PARD6A: variants seen among roughly 807,000 people sequenced by gnomAD.
PARD6A encodes par-6 family cell polarity regulator alpha.
Under a neutral mutation model 21.3 loss-of-function variants are expected in PARD6A, and 20 were observed. The observed-to-expected ratio is 0.94, with a 90% CI of 0.66 to 1.36. The LOEUF (loss-of-function observed/expected upper bound fraction) is 1.36. Ranked by LOEUF, PARD6A falls within the 40% of genes most tolerant of loss-of-function variation. The pLI, the probability that PARD6A is intolerant of heterozygous loss-of-function variation, is 0.00. For missense variants in PARD6A, 411 were observed against 482.0 expected, an observed-to-expected ratio of 0.85 and a Z score of 1.38; for synonymous variants, 214 against 204.8, an observed-to-expected ratio of 1.04 and a Z score of -0.38.
In PARD6A at chr16:67,661,061, C is replaced by T. The variant is rs762558706; in HGVS notation, c.23C>T (p.Pro8Leu). 34 of 1,599,568 alleles carry T rather than the reference C, an allele frequency of 2.1e-5. No homozygotes were observed. Among genetic ancestry groups the T allele is most frequent in the Non-Finnish European group, 2.8e-5 (33 of 1,172,662 alleles). ...GCCATGGCCCGGCCGCAGAGGACTC[C>T]GGCGCGCAGTCCCGATAGCATCGTC... Reference protein sequence around the residue: MARPQRTPARSPDSIVEV... With the variant: MARPQRTLARSPDSIVEV... Residue 8 changes from proline (P) to leucine (L), a missense_variant, in exon 1 of 3, where the codon CCG becomes CTG. Transcript: ENST00000458121. The surrounding 1 kb of genome is among the most constrained non-coding windows in gnomAD (Gnocchi z 7.0).
rs1366793193 is a variant in PARD6A, at chr16:67,661,050, G to T, written c.12G>T (p.Pro4=). The change falls in exon 1 of 3, where the codon CCG becomes CCT. Residue 4 remains proline (P), a synonymous_variant. Transcript: ENST00000458121. This position sits in a 1 kb window ranked among gnomAD's most constrained non-coding sequence, Gnocchi z 7.0. ...CGCCCGGCCCCGCCATGGCCCGGCC[G>T]CAGAGGACTCCGGCGCGCAGTCCCG... MAR[P]QRTPARSPDS... is the part of the protein sequence containing the mutation. 1 of 1,580,662 alleles carries T rather than the reference G, an allele frequency of 6.3e-7. No individual in the cohort carries two copies. Among genetic ancestry groups the T allele is most frequent in the Non-Finnish European group, 8.6e-7 (1 of 1,161,934 alleles).
In PARD6A at chr16:67,662,662, C is replaced by T. The variant is rs762367216; in HGVS notation, c.*15C>T. The T allele has an allele frequency of 9.8e-6, 15 of 1,526,512 alleles. No individual in the cohort carries two copies. Among genetic ancestry groups the T allele is most frequent in the East Asian group, 6.9e-5 (3 of 43,608 alleles). The allele number at this position is 1,526,512 out of a possible 1,614,324, so 94.6% of individuals were successfully genotyped here. ...TCAGCCTCTGACAGTCAGGATGAAG[C>T]CCCATGCCACTCCACACTGCTGGGA... is the stretch of plus-strand genomic sequence containing the variant. On this transcript the variant is annotated 3_prime_UTR_variant, in exon 3 of 3. Coordinates refer to ENST00000458121, the MANE Select transcript of PARD6A (RefSeq NM_001037281.2). This position sits in a 1 kb window ranked among gnomAD's most constrained non-coding sequence, Gnocchi z 6.9.
rs2053047995 is a variant in PARD6A at position 67,662,764 on chromosome 16, C to T, written c.*117C>T. ...CAGCCTGGGGAACATTAAAGGTTTT[C>T]TACAAATACAGTCATGGTCCTTGTG... On this transcript the variant is annotated 3_prime_UTR_variant, in exon 3 of 3. Coordinates refer to ENST00000458121, the MANE Select transcript of PARD6A (RefSeq NM_001037281.2). This position sits in a 1 kb window ranked among gnomAD's most constrained non-coding sequence, Gnocchi z 6.9. 1.1e-5 allele frequency: 11 copies of T among 997,378 alleles called. No individual in the cohort carries two copies. The highest frequency in any genetic ancestry group is 1.6e-5 in the Non-Finnish European group (11 of 699,896). 61.8% of individuals were successfully genotyped at this position (997,378 alleles called of 1,614,324 possible). A position where few individuals can be genotyped will look rare whatever the true frequency, so the allele number is the denominator to read the frequency against.
chr16:67,661,800 C>T lies in PARD6A; in HGVS notation c.287-96C>T, dbSNP rs2053023017. 1 of 1,538,462 alleles carries T rather than the reference C, an allele frequency of 6.5e-7. No homozygotes were observed. ...TCTGCAGTCCCTGCCCTTGGCTTGACCTCTAAGTGGTAGGAAATAGCTACA... is the reference window on the plus strand; with the variant it reads ...TCTGCAGTCCCTGCCCTTGGCTTGATCTCTAAGTGGTAGGAAATAGCTACA... On this transcript the variant is annotated intron_variant, in intron 2 of 2. Transcript: ENST00000458121. The surrounding 1 kb of genome is among the most constrained non-coding windows in gnomAD (Gnocchi z 7.0).
Position 67,661,243 on chromosome 16 carries a change from C to T in PARD6A, c.63+142C>T, listed in dbSNP as rs2053009775. 2 of 1,019,004 alleles carry T rather than the reference C, an allele frequency of 2.0e-6. No homozygotes were observed. Among genetic ancestry groups the T allele is most frequent in the Admixed American group, 3.9e-5 (2 of 51,502 alleles). The allele number at this position is 1,019,004 out of a possible 1,614,324, so 63.1% of individuals were successfully genotyped here. ...TGCTCGCCTTCCCCCATCCGTCTTC[C>T]TTCCTCCACTGCTGGTCTCCAGCTC... On this transcript the variant is annotated intron_variant, in intron 1 of 2. Transcript: ENST00000458121. The surrounding 1 kb of genome is among the most constrained non-coding windows in gnomAD (Gnocchi z 7.0).
At position 67,661,378 on chromosome 16, in the gene PARD6A, C is replaced by A. The variant is rs2053012731; in HGVS notation, c.64-77C>A. 4 of 1,546,764 alleles carry A rather than the reference C, an allele frequency of 2.6e-6. No individual in the cohort carries two copies. In the South Asian group the frequency reaches 3.6e-5, roughly 14 times the overall value. On this transcript the variant is annotated intron_variant, in intron 1 of 2. Coordinates refer to ENST00000458121, the MANE Select transcript of PARD6A (RefSeq NM_001037281.2). The surrounding 1 kb of genome is among the most constrained non-coding windows in gnomAD (Gnocchi z 7.0). Reference sequence around the variant, plus strand: ...CCGCAAAAGCGGCAGCCGCATCTTTCCCATTCCTGCCAGCCTGCGGTGAGA... The same window carrying A: ...CCGCAAAAGCGGCAGCCGCATCTTTACCATTCCTGCCAGCCTGCGGTGAGA...
chr16:67,661,902 A>T lies in PARD6A; in HGVS notation c.293A>T (p.Asp98Val). ...LRLLVQKREA[D>V]SSGLAFASNS... ...CCCCCCTCTTCTGCAGCAGAAGCTG[A>T]CTCCAGCGGCCTGGCTTTTGCCTCC... The change falls in exon 3 of 3, where the codon GAC becomes GTC. Residue 98 changes from aspartate to valine, a missense_variant. Physicochemically the swap from Asp to Val is radical, Grantham distance 152 (BLOSUM62 -3). Transcript: ENST00000458121. The surrounding 1 kb of genome is among the most constrained non-coding windows in gnomAD (Gnocchi z 7.0). The T allele has an allele frequency of 6.3e-7, 1 of 1,588,876 alleles. No individual in the cohort carries two copies. The highest frequency in any genetic ancestry group is 8.5e-7 in the Non-Finnish European group (1 of 1,170,870).
Position 67,662,531 on chromosome 16 carries a change from C to T in PARD6A, c.922C>T (p.Pro308Ser). 1 of 1,613,276 alleles carries T rather than the reference C, an allele frequency of 6.2e-7. No homozygotes were observed. The highest frequency in any genetic ancestry group is 8.5e-7 in the Non-Finnish European group (1 of 1,179,994). The change falls in exon 3 of 3, where the codon CCT (proline) becomes TCT (serine). Residue 308 changes from proline to serine, a missense_variant. Physicochemically the swap from Pro to Ser is moderately conservative, Grantham distance 74. Transcript: ENST00000458121. This position sits in a 1 kb window ranked among gnomAD's most constrained non-coding sequence, Gnocchi z 6.9. ...SQGPPCWDLHPGCRHPGTRSS... is the reference protein window; with the variant it reads ...SQGPPCWDLHSGCRHPGTRSS... ...GGGGCCCCCGTGCTGGGACCTGCAC[C>T]CTGGCTGCCGACATCCTGGTACCCG...
Position 67,661,401 on chromosome 16 carries a change from A to C in PARD6A, c.64-54A>C. ...TTCCCATTCCTGCCAGCCTGCGGTG[A>C]GAAAGGGGCGCAGGCTGTCCTGACT... On this transcript the variant is annotated intron_variant, in intron 1 of 2. Coordinates refer to ENST00000458121, the MANE Select transcript of PARD6A (RefSeq NM_001037281.2). The surrounding 1 kb of genome is among the most constrained non-coding windows in gnomAD (Gnocchi z 7.0). The C allele has an allele frequency of 6.3e-7, 1 of 1,585,792 alleles. No individual in the cohort carries two copies. Among genetic ancestry groups the C allele is most frequent in the South Asian group, 1.1e-5 (1 of 89,748 alleles).
rs2053007719 is a variant in PARD6A, at chr16:67,661,154, C to T, written c.63+53C>T. On this transcript the variant is annotated intron_variant, in intron 1 of 2. Coordinates refer to ENST00000458121, the MANE Select transcript of PARD6A (RefSeq NM_001037281.2). The surrounding 1 kb of genome is among the most constrained non-coding windows in gnomAD (Gnocchi z 7.0). ...GGCGCTCCCAATTCCCTCTTTCTCC[C>T]CTTCCCAGCTCCTTGGTCCCCGCCA... 1 of 1,440,894 alleles carries T rather than the reference C, an allele frequency of 6.9e-7. No individual in the cohort carries two copies. Among genetic ancestry groups the T allele is most frequent in the Admixed American group, 1.7e-5 (1 of 59,312 alleles). 89.3% of individuals were successfully genotyped at this position (1,440,894 alleles called of 1,614,324 possible).
At position 67,662,265 on chromosome 16, in the gene PARD6A, G is replaced by C; in HGVS notation, c.656G>C (p.Gly219Ala). The C allele has an allele frequency of 6.2e-7, 1 of 1,614,136 alleles. No homozygotes were observed. Among genetic ancestry groups the C allele is most frequent in the Non-Finnish European group, 8.5e-7 (1 of 1,180,034 alleles). ...AGTGATGAGATCCTCGAGGTCAATG[G>C]CATTGAAGTAGCCGGGAAGACCTTG... ...AVSDEILEVN[G>A]IEVAGKTLDQ... Residue 219 changes from glycine (G) to alanine (A), a missense_variant, in exon 3 of 3, where the codon GGC becomes GCC. Physicochemically the swap from Gly to Ala is moderately conservative, Grantham distance 60 (BLOSUM62 0). Coordinates refer to ENST00000458121, the MANE Select transcript of PARD6A (RefSeq NM_001037281.2). The surrounding 1 kb of genome is among the most constrained non-coding windows in gnomAD (Gnocchi z 6.9).
chr16:67,661,939 G>A lies in PARD6A; in HGVS notation c.330G>A (p.Gln110=). The A allele has an allele frequency of 6.2e-7, 1 of 1,609,638 alleles. No homozygotes were observed. Among genetic ancestry groups the A allele is most frequent in the Middle Eastern group, 1.7e-4 (1 of 6,058 alleles). The change falls in exon 3 of 3, where the codon CAG becomes CAA. Residue 110 remains glutamine, a synonymous_variant. Transcript: ENST00000458121. This position sits in a 1 kb window ranked among gnomAD's most constrained non-coding sequence, Gnocchi z 7.0. ...TGGCTTTTGCCTCCAACTCTCTGCA[G>A]CGGCGCAAGAAAGGGCTCTTGCTGC... ...SGLAFASNSL[Q]RRKKGLLLRP... is the part of the protein sequence containing the mutation.
rs769345731 is a variant in PARD6A at position 67,662,557 on chromosome 16, C to T, written c.948C>T (p.Arg316=). 6.2e-7 allele frequency: 1 copy of T among 1,613,086 alleles called. No homozygotes were observed. The highest frequency in any genetic ancestry group is 8.5e-7 in the Non-Finnish European group (1 of 1,179,968). The change falls in exon 3 of 3, where the codon CGC becomes CGT. Residue 316 remains arginine, a synonymous_variant. Coordinates refer to ENST00000458121, the MANE Select transcript of PARD6A (RefSeq NM_001037281.2). The surrounding 1 kb of genome is among the most constrained non-coding windows in gnomAD (Gnocchi z 6.9). The part of the protein sequence containing the change: ...LHPGCRHPGT[R]SSLPSLDDQE... Reference sequence around the variant, plus strand: ...CTGGCTGCCGACATCCTGGTACCCGCAGCTCTCTGCCCTCCCTGGATGACC... The same window carrying T: ...CTGGCTGCCGACATCCTGGTACCCGTAGCTCTCTGCCCTCCCTGGATGACC...
Position 67,662,162 on chromosome 16 carries a change from C to A in PARD6A, c.553C>A (p.Leu185Met), listed in dbSNP as rs779400583. The A allele has an allele frequency of 6.2e-7, 1 of 1,613,982 alleles. No homozygotes were observed. Among genetic ancestry groups the A allele is most frequent in the Non-Finnish European group, 8.5e-7 (1 of 1,180,022 alleles). ...GAGCGTGCGTGTGGCTCCCCAGGGC[C>A]TGGAGCGGGTTCCAGGAATCTTCAT... ...GMSVRVAPQG[L>M]ERVPGIFISR... Residue 185 changes from leucine (L) to methionine (M), a missense_variant, in exon 3 of 3, where the codon CTG becomes ATG. Leu to Met is a conservative substitution (Grantham distance 15). Coordinates refer to ENST00000458121, the MANE Select transcript of PARD6A (RefSeq NM_001037281.2). This position sits in a 1 kb window ranked among gnomAD's most constrained non-coding sequence, Gnocchi z 6.9.
At position 67,661,832 on chromosome 16, in the gene PARD6A, C is replaced by T; in HGVS notation, c.287-64C>T. On this transcript the variant is annotated intron_variant, in intron 2 of 2. Coordinates refer to ENST00000458121, the MANE Select transcript of PARD6A (RefSeq NM_001037281.2). This position sits in a 1 kb window ranked among gnomAD's most constrained non-coding sequence, Gnocchi z 7.0. ...GTGGTAGGAAATAGCTACAGTGCCC[C>T]CTGTAAACAGCCCAAGTCGGGGAGC... 6 of 1,538,678 alleles carry T rather than the reference C, an allele frequency of 3.9e-6. No homozygotes were observed. The highest frequency in any genetic ancestry group is 1.9e-5 in the Admixed American group (1 of 51,950).
At position 67,662,311 on chromosome 16, in the gene PARD6A, G is replaced by A. The variant is rs1363393573; in HGVS notation, c.702G>A (p.Met234Ile). The A allele has an allele frequency of 6.2e-7, 1 of 1,614,078 alleles. No individual in the cohort carries two copies. The highest frequency in any genetic ancestry group is 8.5e-7 in the Non-Finnish European group (1 of 1,180,032). ...GKTLDQVTDM[M>I]VANSHNLIVT... ...CCTTGGACCAAGTGACGGACATGAT[G>A]GTTGCCAACAGCCATAACCTCATTG... Residue 234 changes from methionine (M) to isoleucine (I), a missense_variant, in exon 3 of 3, where the codon ATG (methionine) becomes ATA (isoleucine). Physicochemically the swap from Met to Ile is conservative, Grantham distance 10. Coordinates refer to ENST00000458121, the MANE Select transcript of PARD6A (RefSeq NM_001037281.2). The surrounding 1 kb of genome is among the most constrained non-coding windows in gnomAD (Gnocchi z 6.9).
chr16:67,661,940 C>T lies in PARD6A; in HGVS notation c.331C>T (p.Arg111Trp). ...GGCTTTTGCCTCCAACTCTCTGCAG[C>T]GGCGCAAGAAAGGGCTCTTGCTGCG... ...GLAFASNSLQRRKKGLLLRPV... is the reference protein window; with the variant it reads ...GLAFASNSLQWRKKGLLLRPV... The change falls in exon 3 of 3, where the codon CGG (arginine) becomes TGG (tryptophan). Residue 111 changes from arginine (R) to tryptophan (W), a missense_variant. Physicochemically the swap from Arg to Trp is moderately radical, Grantham distance 101. Transcript: ENST00000458121. This position sits in a 1 kb window ranked among gnomAD's most constrained non-coding sequence, Gnocchi z 7.0. The T allele has an allele frequency of 2.5e-6, 4 of 1,609,258 alleles. No homozygotes were observed. Among genetic ancestry groups the T allele is most frequent in the South Asian group, 1.1e-5 (1 of 90,944 alleles).
rs766459239 is a variant in PARD6A, at chr16:67,662,607, G to A, written c.998G>A (p.Gly333Glu). 67 of 1,604,676 alleles carry A rather than the reference G, an allele frequency of 4.2e-5. No individual in the cohort carries two copies. The highest frequency in any genetic ancestry group is 4.8e-5 in the Non-Finnish European group (56 of 1,175,608). ...CAGGAGCAGGCCAGTTCTGGCTGGG[G>A]GAGTCGCATTCGAGGAGATGGTAGT... ...DDQEQASSGW[G>E]SRIRGDGSGF... The change falls in exon 3 of 3, where the codon GGG (glycine) becomes GAG (glutamate). Residue 333 changes from glycine to glutamate, a missense_variant. Gly to Glu is a moderately conservative substitution (Grantham distance 98, BLOSUM62 -2). Coordinates refer to ENST00000458121, the MANE Select transcript of PARD6A (RefSeq NM_001037281.2). The surrounding 1 kb of genome is among the most constrained non-coding windows in gnomAD (Gnocchi z 6.9).
Position 67,661,602 on chromosome 16 carries a change from C to A in PARD6A, c.211C>A (p.Leu71Ile). Residue 71 changes from leucine to isoleucine, a missense_variant, in exon 2 of 3, where the codon CTC (leucine) becomes ATC (isoleucine). By Grantham distance (5) the Leu-to-Ile change is conservative. Coordinates refer to ENST00000458121, the MANE Select transcript of PARD6A (RefSeq NM_001037281.2). This position sits in a 1 kb window ranked among gnomAD's most constrained non-coding sequence, Gnocchi z 7.0. ...GGATGCTCATGGCGACCTGCTGCCC[C>A]TCACCAACGACGACAGCCTGCACCG... ...YTDAHGDLLP[L>I]TNDDSLHRAL... The A allele has an allele frequency of 6.2e-7, 1 of 1,609,298 alleles. No individual in the cohort carries two copies. The highest frequency in any genetic ancestry group is 1.1e-5 in the South Asian group (1 of 91,086).
Sources: allele counts gnomAD v4.1 joint callset, GRCh38; gene constraint gnomAD v4.1.1; non-coding constraint Gnocchi (gnomAD v3.1); transcripts MANE v1.5; gene names NCBI Gene and HGNC (gene_info 2026-07-23, HGNC 2026-07-21).